Variants in PPFIA1 observed in about 807,000 individuals in gnomAD.
PPFIA1 encodes PPFI scaffold protein A1, also known as liprin-alpha-1.
Under a neutral mutation model 149.9 loss-of-function variants are expected in PPFIA1, and 25 were observed. The observed-to-expected ratio is 0.17, with a 90% CI of 0.12 to 0.23. The LOEUF is 0.23. PPFIA1 is among the 10% of genes least tolerant of loss of function. The pLI, the probability that PPFIA1 is intolerant of heterozygous loss-of-function variation, is 1.00. For missense variants in PPFIA1, 1,362 were observed against 1,506.5 expected (o/e 0.90, Z 1.59); for synonymous variants, 549 against 552.8 (o/e 0.99, Z 0.10).
chr11:70,280,166 C>T (rs1319655150), intron 2 of PPFIA1, among the ~76,000 whole-genome samples: 5 of 151,256 alleles, frequency 3.3e-5, no homozygotes, highest in African/African-American at 9.7e-5. Context: ...CCTCAGTCTC[C>T]GAAAGTGTTG....
At chr11:70,315,653 G>A (rs1477135248) in intron 2 of PPFIA1, among the ~76,000 whole-genome samples, 2 of 131,724 alleles carry the variant, frequency 1.5e-5, no homozygotes, top group African/African-American at 5.7e-5. Flanking sequence ...ACAAGACTTT[G>A]CCTTCTGTGA....
intron 16 of PPFIA1, among the ~76,000 whole-genome samples, chr11:70,352,761 C>G (rs4980783): frequency 4.5e-5 from 4 of 88,234 alleles, no homozygotes; most frequent in Admixed American, 1.3e-4. Context: ...GGGAGGGCGG[C>G]GTGTGGAGGT....
intron 2 of PPFIA1, among the ~76,000 whole-genome samples, chr11:70,274,384 A>AT (rs1189955838): frequency 6.6e-6 from 1 of 152,224 alleles, no homozygotes; most frequent in Admixed American, 6.5e-5. Flanking sequence ...AGATCAAGAA[A>AT]TGGAACATTA....
At chr11:70,278,945 T>G (rs528778705) in intron 2 of PPFIA1, 12 of 613,332 alleles carry the variant, frequency 2.0e-5, no homozygotes, top group African/African-American at 7.4e-5. Flanking sequence ...TCTTCCCAAT[T>G]AGAGATTTGT....
chr11:70,278,595 G>A (rs1340765633), intron 2 of PPFIA1, among the ~76,000 whole-genome samples: 3 of 152,028 alleles, frequency 2.0e-5, no homozygotes, highest in African/African-American at 7.2e-5. Flanking sequence ...AATAATGTTT[G>A]TGCAAAACCA....
chr11:70,352,208 C>G (rs991188925), intron 16 of PPFIA1, among the ~76,000 whole-genome samples: 4 of 152,136 alleles, frequency 2.6e-5, no homozygotes, highest in Admixed American at 6.5e-5. Context: ...AGTTCAGTCA[C>G]TGATGAGTTT....
rs373872261 is a variant in PPFIA1 at position 70,311,928 on chromosome 11, CA to C, written c.265-12472del. ...GTGTAGACACAGCTCACTGCAGCTT[CA>C]ACCTCCTGGACTCAAGCAGTCCTCA... On this transcript the variant is annotated intron_variant, in intron 2 of 27. Coordinates refer to ENST00000253925, the MANE Select transcript of PPFIA1 (RefSeq NM_003626.5). Among the ~76,000 whole-genome samples the C allele has an allele frequency of 6.4e-3, 887 of 138,970 alleles. 10 individuals carry two copies. The highest frequency in any genetic ancestry group is 0.023 in the African/African-American group (858 of 36,746). 91.2% of individuals were successfully genotyped at this position (138,970 alleles called of 152,430 possible).
chr11:70,344,340 G>C (rs946683340), intron 15 of PPFIA1, among the ~76,000 whole-genome samples: 1 of 152,234 alleles, frequency 6.6e-6, no homozygotes, highest in African/African-American at 2.4e-5. Flanking sequence ...AGAGATGACG[G>C]ACTGAAGCCT....
chr11:70,298,941 A>C (rs947624349), intron 2 of PPFIA1, among the ~76,000 whole-genome samples: 1 of 152,106 alleles, frequency 6.6e-6, no homozygotes, highest in African/African-American at 2.4e-5. Flanking sequence ...CTTTTTATTT[A>C]AAGGAACATG....
chr11:70,275,609 C>G (rs2050336504), intron 2 of PPFIA1, among the ~76,000 whole-genome samples: 1 of 152,062 alleles, frequency 6.6e-6, no homozygotes, highest in Non-Finnish European at 1.5e-5. Context: ...AAGAGTCTCT[C>G]TTTCTTTTTT....
At chr11:70,371,488 A>ATATTCTGTTGTTGGGTAGCGTGCTCTG (rs1565460431) in intron 21 of PPFIA1, 19 of 155,018 alleles carry the variant, frequency 1.2e-4, no homozygotes, top group African/African-American at 3.5e-4. Flanking sequence ...GGCGTGTTCT[A>ATATTCTGTTGTTGGGTAGCGTGCTCTG]TCTTCTGTTG....
chr11:70,280,384 C>T (rs930025924), intron 2 of PPFIA1, among the ~76,000 whole-genome samples: 1 of 151,974 alleles, frequency 6.6e-6, no homozygotes. Flanking sequence ...GCCTGGCCAA[C>T]ATGGTGAAAC....
chr11:70,322,511 G>A (rs867905062), intron 2 of PPFIA1, among the ~76,000 whole-genome samples: 4 of 152,124 alleles, frequency 2.6e-5, no homozygotes, highest in East Asian at 1.9e-4. Context: ...TGAATGCTGC[G>A]TTCGATCTCT....
chr11:70,356,562 G>A (rs1486383243), intron 19 of PPFIA1, among the ~76,000 whole-genome samples: 12 of 152,198 alleles, frequency 7.9e-5, no homozygotes, highest in Non-Finnish European at 7.3e-5. Flanking sequence ...ACTTTGTGAC[G>A]TTGAGGAAGT....
intron 16 of PPFIA1, 105 bp downstream of exon 16, chr11:70,348,525 T>C: frequency 1.1e-6 from 1 of 926,286 alleles, no homozygotes; most frequent in Non-Finnish European, 1.7e-6. Flanking sequence ...TTCGTTATTC[T>C]AAGAGGTTCA....
At position 70,324,142 on chromosome 11, in the gene PPFIA1, G is replaced by A. The variant is rs117298921; in HGVS notation, c.265-260G>A. On this transcript the variant is annotated intron_variant, in intron 2 of 27. Coordinates refer to ENST00000253925, the MANE Select transcript of PPFIA1 (RefSeq NM_003626.5). Reference sequence around the variant, plus strand: ...GGACTTCTCTGGCTGCTGAGAAGGTGGACTTGGATTCCCCTTCTTTCCCTG... The same window carrying A: ...GGACTTCTCTGGCTGCTGAGAAGGTAGACTTGGATTCCCCTTCTTTCCCTG... Among the ~76,000 whole-genome samples the A allele has an allele frequency of 3.0e-4, 45 of 152,352 alleles. No homozygotes were observed. In the East Asian group the frequency reaches 7.3e-3, roughly 25 times the overall value.
intron 2 of PPFIA1, among the ~76,000 whole-genome samples, chr11:70,287,501 T>TC (rs1427775099): frequency 2.6e-5 from 4 of 152,040 alleles, no homozygotes; most frequent in Admixed American, 1.3e-4. Context: ...AGCTAAGTTT[T>TC]TTTTTTTTTA....
At chr11:70,333,640 C>A in intron 10 of PPFIA1, 87 bp downstream of exon 10, 3 of 1,028,166 alleles carry the variant, frequency 2.9e-6, no homozygotes, top group Non-Finnish European at 4.5e-6. Context: ...CCTCCCACCC[C>A]TGACTGAGAT....
intron 21 of PPFIA1, chr11:70,367,608 C>G (rs1398349277): frequency 2.2e-6 from 1 of 455,100 alleles, no homozygotes; most frequent in African/African-American, 2.0e-5. Context: ...CAGAAGGCTG[C>G]TAAGGCAGCC....
Sources: gnomAD v4.1 joint callset for allele counts (sites outside exome capture counted in the v4.1 genomes callset) on GRCh38, gnomAD v4.1.1 for gene constraint, MANE v1.5 for transcripts, NCBI Gene and HGNC (gene_info 2026-07-23, HGNC 2026-07-21) for gene names.